CA10: variants seen among roughly 807,000 people sequenced by gnomAD.
CA10 encodes carbonic anhydrase-related protein 10.
A neutral mutation model predicts 44.2 loss-of-function variants in CA10; 14 were observed. The ratio of observed to expected loss-of-function variants is 0.32; its 90% CI spans 0.21 to 0.50. CA10 has a LOEUF of 0.50. Ranked by LOEUF, CA10 falls within the 20% of genes least tolerant of loss-of-function variation. The pLI, the probability that CA10 is intolerant of heterozygous loss-of-function variation, is 0.99. For synonymous variants in CA10, 159 were observed against 141.6 expected, an observed-to-expected ratio of 1.12 and a Z score of -0.87; for missense variants, 350 against 409.7, an observed-to-expected ratio of 0.85 and a Z score of 1.26.
At chr17:51,878,441 G>A (rs1980188041) in intron 3 of CA10, among the ~76,000 whole-genome samples, 2 of 152,070 alleles carry the variant, frequency 1.3e-5, no homozygotes, top group African/African-American at 4.8e-5. Flanking sequence ...GATGTGAAGA[G>A]TTTCTATTAC....
intron 1 of CA10, among the ~76,000 whole-genome samples, chr17:52,143,084 T>C (rs1989515631): frequency 6.6e-6 from 1 of 152,238 alleles, no homozygotes; most frequent in Non-Finnish European, 1.5e-5. Context: ...AATTATTTTT[T>C]AAGATCACCA....
chr17:51,652,316 C>A (rs1366592074), intron 5 of CA10, among the ~76,000 whole-genome samples: 1 of 152,222 alleles, frequency 6.6e-6, no homozygotes, highest in Non-Finnish European at 1.5e-5. Context: ...TAGTGTCTGG[C>A]ATTCAGAAAT....
At chr17:51,705,084 G>A (rs1597997328) in intron 4 of CA10, among the ~76,000 whole-genome samples, 2 of 152,040 alleles carry the variant, frequency 1.3e-5, no homozygotes, top group South Asian at 4.2e-4. Context: ...TCTTAAGGAA[G>A]GTCTTCGCAG....
intron 2 of CA10, among the ~76,000 whole-genome samples, chr17:51,957,432 C>CTT (rs528128442): frequency 1.4e-5 from 2 of 144,652 alleles, no homozygotes; most frequent in African/African-American, 2.5e-5. Flanking sequence ...TATATGAAAA[C>CTT]TTTTTTTTTT....
chr17:51,869,809 G>A (rs1979723177), intron 3 of CA10, among the ~76,000 whole-genome samples: 1 of 152,104 alleles, frequency 6.6e-6, no homozygotes, highest in African/African-American at 2.4e-5. Flanking sequence ...CAAAGGACAA[G>A]AAAATGTCTG....
chr17:52,128,339 G>A lies in CA10; in HGVS notation c.61+29387C>T, dbSNP rs183740325. 7.9e-5 allele frequency among the ~76,000 whole-genome samples: 12 copies of A among 152,252 alleles called. No individual in the cohort carries two copies. In the East Asian group the frequency reaches 9.7e-4, roughly 12 times the overall value. ...CTCCAAGACCATTTCAAAAAATACA[G>A]TACCTCAAACACAGTAGGAACTTGA... On this transcript the variant is annotated intron_variant, in intron 1 of 8. Transcript: ENST00000451037.
chr17:51,737,220 G>A (rs1318908766), intron 4 of CA10, among the ~76,000 whole-genome samples: 3 of 152,122 alleles, frequency 2.0e-5, no homozygotes, highest in Non-Finnish European at 4.4e-5. Context: ...CGAGGTTTCT[G>A]TTCCTTGAAT....
intron 3 of CA10, among the ~76,000 whole-genome samples, chr17:51,868,582 A>G (rs1979657170): frequency 6.6e-6 from 1 of 152,184 alleles, no homozygotes; most frequent in Admixed American, 6.5e-5. Flanking sequence ...CTCCCTTTTA[A>G]TAAACTCCAC....
At chr17:51,694,538 A>T (rs1915336337) in intron 4 of CA10, among the ~76,000 whole-genome samples, 1 of 139,690 alleles carries the variant, frequency 7.2e-6, no homozygotes. Flanking sequence ...AATTTCTTGT[A>T]GGTTCTGGAT....
At chr17:51,834,507 C>G (rs955331423) in intron 3 of CA10, among the ~76,000 whole-genome samples, 1 of 152,170 alleles carries the variant, frequency 6.6e-6, no homozygotes, top group Non-Finnish European at 1.5e-5. Flanking sequence ...TAAAATCGAG[C>G]CACTAATGTT....
At chr17:52,014,185 T>C (rs1258374135) in intron 2 of CA10, among the ~76,000 whole-genome samples, 1 of 151,922 alleles carries the variant, frequency 6.6e-6, no homozygotes, top group Non-Finnish European at 1.5e-5. Flanking sequence ...AAATTATAAA[T>C]TCTTATGAAA....
intron 4 of CA10, among the ~76,000 whole-genome samples, chr17:51,671,578 G>A (rs551285260): frequency 2.0e-5 from 3 of 152,092 alleles, no homozygotes; most frequent in African/African-American, 7.2e-5. Context: ...CTAATTTTTT[G>A]TATTTTTAGT....
At chr17:52,032,669 C>G (rs1457582458) in intron 2 of CA10, among the ~76,000 whole-genome samples, 4 of 152,130 alleles carry the variant, frequency 2.6e-5, no homozygotes, top group Non-Finnish European at 5.9e-5. Context: ...TGACTGGAAA[C>G]CTTCCTTCTG....
intron 3 of CA10, among the ~76,000 whole-genome samples, chr17:51,821,060 CCTCT>C (rs1297111758): frequency 1.0e-5 from 1 of 99,372 alleles, no homozygotes; most frequent in African/African-American, 4.6e-5. Flanking sequence ...TCCCTCCCTC[CCTCT>C]CTCCCTTCCT....
chr17:51,728,566 C>T (rs1216949281), intron 4 of CA10, among the ~76,000 whole-genome samples: 2 of 152,154 alleles, frequency 1.3e-5, no homozygotes, highest in Admixed American at 6.5e-5. Flanking sequence ...CTGATGCTCT[C>T]TTACAATTAT....
chr17:51,702,241 CAG>C (rs1316420251), intron 4 of CA10, among the ~76,000 whole-genome samples: 1 of 152,136 alleles, frequency 6.6e-6, no homozygotes, highest in African/African-American at 2.4e-5. Context: ...CTCTGCATTC[CAG>C]ATGAGAGCAC....
Position 51,670,955 on chromosome 17 carries a change from G to A in CA10, c.466-17219C>T, listed in dbSNP as rs558727712. On this transcript the variant is annotated intron_variant, in intron 4 of 8. Transcript: ENST00000451037. ...GTTATCTGGCCTCTAATAGACGGAA[G>A]TGCTCTGGGACTTGGGATTGTCAAT... is the stretch of plus-strand genomic sequence containing the variant. 6.6e-5 allele frequency among the ~76,000 whole-genome samples: 10 copies of A among 152,318 alleles called. No individual in the cohort carries two copies. The East Asian group carries it at 1.5e-3, about 24-fold the overall frequency.
chr17:52,039,084 G>C (rs921835849), intron 2 of CA10, among the ~76,000 whole-genome samples: 1 of 152,002 alleles, frequency 6.6e-6, no homozygotes, highest in East Asian at 1.9e-4. Context: ...AAATTCCTGT[G>C]ATAAGGGAAG....
At chr17:51,841,644 G>A (rs1978320526) in intron 3 of CA10, among the ~76,000 whole-genome samples, 1 of 152,072 alleles carries the variant, frequency 6.6e-6, no homozygotes, top group African/African-American at 2.4e-5. Context: ...AGTAAACATG[G>A]GCAGAAACTC....
Sources: allele counts gnomAD v4.1 joint callset (sites outside exome capture counted in the v4.1 genomes callset), GRCh38; gene constraint gnomAD v4.1.1; transcripts MANE v1.5; gene names NCBI Gene and HGNC (gene_info 2026-07-23, HGNC 2026-07-21).